LDLRAP1: variants seen among roughly 807,000 people sequenced by gnomAD.
LDLRAP1 encodes low density lipoprotein receptor adapter protein 1.
Under a neutral mutation model 37.8 loss-of-function variants are expected in LDLRAP1, and 30 were observed. That is an observed-to-expected ratio of 0.79 (90% CI 0.59 to 1.08). The LOEUF (loss-of-function observed/expected upper bound fraction) is 1.08. Ranked by LOEUF, LDLRAP1 falls within the 50% of genes least tolerant of loss-of-function variation. The pLI, the probability that LDLRAP1 is intolerant of heterozygous loss-of-function variation, is 0.00. For missense variants in LDLRAP1, 375 were observed against 401.6 expected, an observed-to-expected ratio of 0.93 and a Z score of 0.57; for synonymous variants, 156 against 169.8, an observed-to-expected ratio of 0.92 and a Z score of 0.63.
intron 1 of LDLRAP1, among the ~76,000 whole-genome samples, chr1:25,552,372 G>A (rs1421602506): frequency 6.6e-6 from 1 of 152,218 alleles, no homozygotes; most frequent in East Asian, 1.9e-4. Flanking sequence ...GGAGGAGGTA[G>A]GGAGGGCCCA....
At chr1:25,578,447 A>G in the LDLRAP1 span, among the ~76,000 whole-genome samples, 1 of 152,162 alleles carries the variant, frequency 6.6e-6, no homozygotes, top group Non-Finnish European at 1.5e-5. Flanking sequence ...CAGAGGCATC[A>G]TCACTAACCC....
chr1:25,560,062 G>T (rs962724216), intron 4 of LDLRAP1, among the ~76,000 whole-genome samples: 3 of 149,938 alleles, frequency 2.0e-5, no homozygotes, highest in Non-Finnish European at 4.4e-5. Context: ...TTGCCAGGCC[G>T]AGAGAAGGGG....
chr1:25,569,405 A>T (rs2044570565), downstream of LDLRAP1, among the ~76,000 whole-genome samples: 1 of 151,554 alleles, frequency 6.6e-6, no homozygotes, highest in Admixed American at 6.6e-5. Context: ...GTGTTGGGGG[A>T]TGGTGGGAAG....
At chr1:25,547,624 G>A (rs576093216) in intron 1 of LDLRAP1, among the ~76,000 whole-genome samples, 2 of 152,294 alleles carry the variant, frequency 1.3e-5, no homozygotes, top group South Asian at 4.1e-4. Flanking sequence ...CCACTGGAGG[G>A]GCAGTTCCCG....
the LDLRAP1 span, among the ~76,000 whole-genome samples, chr1:25,582,807 C>G: frequency 6.6e-6 from 1 of 152,044 alleles, no homozygotes; most frequent in Non-Finnish European, 1.5e-5. Context: ...TACGGTGGCT[C>G]ACATCTGTAA....
intron 4 of LDLRAP1, 138 bp downstream of exon 4, chr1:25,557,405 C>T (rs1290873602): frequency 2.1e-5 from 15 of 698,296 alleles, no homozygotes; most frequent in Non-Finnish European, 3.3e-5. Context: ...CTGGGAACCC[C>T]AAGTGGGTGC....
intron 4 of LDLRAP1, 133 bp downstream of exon 4, chr1:25,557,400 A>T: frequency 1.4e-6 from 1 of 722,462 alleles, no homozygotes; most frequent in Non-Finnish European, 2.4e-6. Flanking sequence ...AATCTCTGGG[A>T]ACCCCAAGTG....
At chr1:25,580,869 G>A in the LDLRAP1 span, among the ~76,000 whole-genome samples, 20 of 152,262 alleles carry the variant, frequency 1.3e-4, no homozygotes, top group Admixed American at 6.5e-4. Context: ...ATGGGGACCA[G>A]GCTCTGAGTT....
chr1:25,547,441 C>A (rs752637172), intron 1 of LDLRAP1, among the ~76,000 whole-genome samples: 2 of 151,704 alleles, frequency 1.3e-5, no homozygotes, highest in Non-Finnish European at 2.9e-5. Context: ...CGGGATCACG[C>A]CACTGCACTC....
At chr1:25,559,836 C>T (rs908525734) in intron 4 of LDLRAP1, among the ~76,000 whole-genome samples, 5 of 152,286 alleles carry the variant, frequency 3.3e-5, no homozygotes, top group African/African-American at 4.8e-5. Context: ...CTGGCAGCTC[C>T]GCCACAGAGG....
chr1:25,583,488 C>T, the LDLRAP1 span, among the ~76,000 whole-genome samples: 1 of 152,006 alleles, frequency 6.6e-6, no homozygotes, highest in Non-Finnish European at 1.5e-5. Flanking sequence ...CCACTGAGCC[C>T]AGGTTTTTTT....
At chr1:25,569,721 T>C (rs1160964871), downstream of LDLRAP1, among the ~76,000 whole-genome samples, 1 of 152,126 alleles carries the variant, frequency 6.6e-6, no homozygotes, top group East Asian at 1.9e-4. Context: ...GTGCCGGGTG[T>C]TGTGCTGAGC....
chr1:25,557,549 T>A, intron 4 of LDLRAP1: 1 of 501,578 alleles, frequency 2.0e-6, no homozygotes, highest in Non-Finnish European at 3.6e-6. Flanking sequence ...ATTTGCTGGG[T>A]TGAGATTGTT....
At chr1:25,565,259 C>T in intron 8 of LDLRAP1, 52 bp downstream of exon 8, 1 of 1,599,698 alleles carries the variant, frequency 6.3e-7, no homozygotes, top group Non-Finnish European at 8.6e-7. Context: ...GTGGGCTGGC[C>T]CTGCTGCCCT....
At chr1:25,573,367 G>T (rs1280325743), downstream of LDLRAP1, among the ~76,000 whole-genome samples, 1 of 152,224 alleles carries the variant, frequency 6.6e-6, no homozygotes, top group East Asian at 1.9e-4. Context: ...AAAAGCCCTG[G>T]CAGGGCGAGG....
At chr1:25,559,089 C>T (rs189892039) in intron 4 of LDLRAP1, among the ~76,000 whole-genome samples, 17 of 152,338 alleles carry the variant, frequency 1.1e-4, no homozygotes, top group Admixed American at 5.9e-4. Context: ...TCACTGGCCA[C>T]TTGCCTCGTG....
At chr1:25,569,864 G>A (rs1308689953), downstream of LDLRAP1, among the ~76,000 whole-genome samples, 8 of 152,140 alleles carry the variant, frequency 5.3e-5, no homozygotes, top group South Asian at 1.4e-3. Context: ...CAGCTGAGCC[G>A]CCAACCTGTG....
intron 8 of LDLRAP1, among the ~76,000 whole-genome samples, chr1:25,566,461 G>C (rs960250265): frequency 6.6e-6 from 1 of 151,890 alleles, no homozygotes; most frequent in African/African-American, 2.4e-5. Context: ...TTTATTTTTC[G>C]AACAGCACGG....
intron 8 of LDLRAP1, among the ~76,000 whole-genome samples, chr1:25,565,692 G>A (rs372231546): frequency 6.6e-6 from 1 of 152,176 alleles, no homozygotes; most frequent in Non-Finnish European, 1.5e-5. Context: ...AGCCTTTGGT[G>A]GCATTTCCCC....
Sources: gnomAD v4.1 joint callset for allele counts (sites outside exome capture counted in the v4.1 genomes callset) on GRCh38, gnomAD v4.1.1 for gene constraint, MANE v1.5 for transcripts, NCBI Gene and HGNC (gene_info 2026-07-23, HGNC 2026-07-21) for gene names.